The following FRMD3 variants were observed in gnomAD, a reference collection of about 807,000 sequenced individuals.
The protein encoded by FRMD3 is FERM domain containing 3.
FRMD3 carries 33 observed loss-of-function variants against 70.2 expected under a neutral mutation model. The ratio of observed to expected loss-of-function variants is 0.47; its 90% CI spans 0.36 to 0.63. FRMD3 has a LOEUF of 0.63. Ranked by LOEUF, FRMD3 falls within the 20% of genes least tolerant of loss-of-function variation. The pLI, the probability that FRMD3 is intolerant of heterozygous loss-of-function variation, is 0.00. For missense variants in FRMD3, 632 were observed against 711.4 expected (o/e 0.89, Z 1.27); for synonymous variants, 279 against 255.9 (o/e 1.09, Z -0.86).
chr9:83,434,819 C>CTTTT (rs757810185), intron 1 of FRMD3, among the ~76,000 whole-genome samples: 161 of 74,888 alleles, frequency 2.1e-3, no homozygotes, highest in East Asian at 4.3e-3. Context: ...CACCCCTCTG[C>CTTTT]TTTTTTTTTT....
the FRMD3 span, among the ~76,000 whole-genome samples, chr9:83,576,373 G>C: frequency 2.6e-5 from 4 of 151,836 alleles, no homozygotes; most frequent in Admixed American, 1.3e-4. Context: ...AGGAAACCAG[G>C]AACAAAAGGG....
At chr9:83,447,363 CAATGACAG>C (rs1827509931) in intron 1 of FRMD3, among the ~76,000 whole-genome samples, 1 of 152,138 alleles carries the variant, frequency 6.6e-6, no homozygotes, top group Non-Finnish European at 1.5e-5. Context: ...GGAGCTCCTG[CAATGACAG>C]CAGGGAAACT....
chr9:83,547,684 T>A, the FRMD3 span, among the ~76,000 whole-genome samples: 33,794 of 152,126 alleles, frequency 0.22, 4,525 homozygotes, highest in Middle Eastern at 0.39. Flanking sequence ...CTAGATTAAA[T>A]GGACCTAACA....
chr9:83,528,296 G>GACACACACAC (rs35727605), intron 1 of FRMD3, among the ~76,000 whole-genome samples: 92 of 149,214 alleles, frequency 6.2e-4, no homozygotes, highest in African/African-American at 2.0e-3. Flanking sequence ...TATAAACGCA[G>GACACACACAC]ACACACACAC....
intron 1 of FRMD3, among the ~76,000 whole-genome samples, chr9:83,407,050 C>CG (rs1245131884): frequency 6.6e-6 from 1 of 152,154 alleles, no homozygotes; most frequent in African/African-American, 2.4e-5. Flanking sequence ...CGCTGCAGAT[C>CG]CTGCTTCTGC....
chr9:83,243,690 G>C (rs1282722199), downstream of FRMD3, among the ~76,000 whole-genome samples: 1 of 152,154 alleles, frequency 6.6e-6, no homozygotes. Flanking sequence ...GTAGTCTAGA[G>C]CCTGTACTTC....
At chr9:83,293,154 A>G (rs1563999026) in intron 12 of FRMD3, among the ~76,000 whole-genome samples, 6 of 152,136 alleles carry the variant, frequency 3.9e-5, no homozygotes. Context: ...CCGTAGATAG[A>G]GAAATCTTTA....
intron 1 of FRMD3, among the ~76,000 whole-genome samples, chr9:83,400,524 T>C (rs571184869): frequency 6.6e-4 from 101 of 152,320 alleles, no homozygotes; most frequent in African/African-American, 2.2e-3. Context: ...CAGTGGGATA[T>C]TGACAGTCAG....
chr9:83,356,584 T>TG (rs1824353294), intron 3 of FRMD3, among the ~76,000 whole-genome samples: 1 of 151,736 alleles, frequency 6.6e-6, no homozygotes, highest in Admixed American at 6.6e-5. Flanking sequence ...CCAGCAGCTT[T>TG]TTTTTTTTCT....
At chr9:83,428,301 C>A (rs1209917770) in intron 1 of FRMD3, among the ~76,000 whole-genome samples, 2 of 151,738 alleles carry the variant, frequency 1.3e-5, no homozygotes, top group Middle Eastern at 3.2e-3. Context: ...TTGCTTGAAC[C>A]CGGGAGGCAG....
intron 1 of FRMD3, among the ~76,000 whole-genome samples, chr9:83,443,197 T>G (rs946011831): frequency 6.6e-6 from 1 of 152,224 alleles, no homozygotes; most frequent in Non-Finnish European, 1.5e-5. Context: ...ATGTGCAGGT[T>G]TGTTACATAT....
upstream of FRMD3, among the ~76,000 whole-genome samples, chr9:83,543,165 C>T (rs747086228): frequency 2.0e-4 from 30 of 151,832 alleles, no homozygotes; most frequent in Admixed American, 2.0e-4. Flanking sequence ...AAAGAAGAAC[C>T]AAAGTTAGAG....
At chr9:83,432,867 G>T (rs1827022875) in intron 1 of FRMD3, among the ~76,000 whole-genome samples, 1 of 152,150 alleles carries the variant, frequency 6.6e-6, no homozygotes, top group African/African-American at 2.4e-5. Flanking sequence ...AGTGTACATT[G>T]TACCCAGTAA....
intron 1 of FRMD3, among the ~76,000 whole-genome samples, chr9:83,533,116 G>A (rs935940901): frequency 4.6e-5 from 7 of 152,150 alleles, no homozygotes; most frequent in African/African-American, 1.7e-4. Flanking sequence ...GCCAAAAGCA[G>A]CCTAATCATT....
At chr9:83,301,798 G>T (rs79879138) in intron 10 of FRMD3, among the ~76,000 whole-genome samples, 2,364 of 152,334 alleles carry the variant, frequency 0.016, 61 homozygotes, top group African/African-American at 0.054. Context: ...CCCTCAAAGT[G>T]ACTCAAAAGA....
upstream of FRMD3, among the ~76,000 whole-genome samples, chr9:83,539,033 T>A (rs1219253052): frequency 6.6e-6 from 1 of 152,210 alleles, no homozygotes; most frequent in African/African-American, 2.4e-5. Context: ...AAAAGAGCCT[T>A]CCATGTGCAA....
At chr9:83,567,471 TG>T in the FRMD3 span, among the ~76,000 whole-genome samples, 1 of 152,218 alleles carries the variant, frequency 6.6e-6, no homozygotes, top group South Asian at 2.1e-4. Context: ...TTTCTGCAAC[TG>T]GTTTGAATTT....
the FRMD3 span, among the ~76,000 whole-genome samples, chr9:83,551,843 T>C: frequency 6.6e-5 from 10 of 152,056 alleles, no homozygotes; most frequent in East Asian, 1.9e-4. Context: ...TTTCTAATTG[T>C]GTTTATTTGG....
At chr9:83,389,901 TACACACACACAAAC>T (rs1237489751) in intron 1 of FRMD3, among the ~76,000 whole-genome samples, 193 bp from the exon 2 acceptor site, 3 of 151,766 alleles carry the variant, frequency 2.0e-5, no homozygotes, top group African/African-American at 7.3e-5. Context: ...CATGAGCCAT[TACACACACACAAAC>T]ACACACACAC....
Sources: allele counts gnomAD v4.1 joint callset (sites outside exome capture counted in the v4.1 genomes callset), GRCh38; gene constraint gnomAD v4.1.1; transcripts MANE v1.5; gene names NCBI Gene and HGNC (gene_info 2026-07-23, HGNC 2026-07-21).